The following ERBIN variants were observed in gnomAD, a reference collection of about 807,000 sequenced individuals.
ERBIN encodes the protein erbb2 interacting protein.
In ERBIN, 60 loss-of-function variants were observed where a neutral mutation model predicts 158.4. That is an observed-to-expected ratio of 0.38 (90% CI 0.31 to 0.47). ERBIN has a LOEUF of 0.47. Among genes scored for constraint, ERBIN ranks in the 20% least tolerant of loss-of-function variants. The probability of loss-of-function intolerance (pLI) is 0.99; values close to 1 mark genes in which losing one functional copy is unlikely to be tolerated. For missense variants in ERBIN, 1,610 were observed against 1,648.0 expected, an observed-to-expected ratio of 0.98 and a Z score of 0.40; for synonymous variants, 594 against 557.2, an observed-to-expected ratio of 1.07 and a Z score of -0.93.
At position 65,992,905 on chromosome 5, in the gene ERBIN, A is replaced by G; in HGVS notation, c.187A>G (p.Lys63Glu). 2.5e-6 allele frequency: 4 copies of G among 1,575,152 alleles called. 1 individual carries two copies. The South Asian group carries it at 4.7e-5, about 19-fold the overall frequency. ...TGCTAATCAGATTGAAGAGCTTCCA[A>G]AGGTATGCTAATACTTTCTTTCAAG... Reference protein sequence around the residue: ...LDANQIEELPKQLFNCQSLHK... With the variant: ...LDANQIEELPEQLFNCQSLHK... The change falls in exon 3 of 26, where the codon AAG (lysine) becomes GAG (glutamate). Residue 63 changes from lysine to glutamate, a missense_variant and splice_region_variant. Physicochemically the swap from Lys to Glu is moderately conservative, Grantham distance 56 (BLOSUM62 1). This residue lies in a region of ERBIN where 596 missense variants were observed against 711.9 expected (regional missense o/e 0.84). Transcript: ENST00000284037.
Position 66,068,158 on chromosome 5 carries a change from G to A in ERBIN, c.3634-4011G>A, listed in dbSNP as rs185918702. 2.2e-3 allele frequency among the ~76,000 whole-genome samples: 335 copies of A among 151,482 alleles called. 1 individual carries two copies. The highest frequency in any genetic ancestry group is 7.9e-3 in the African/African-American group (324 of 41,262). ...CCCTGGACAAGTGTAGTGAGACCTCGTCTCTACAAAAATAATAATAATAAT... is the reference window on the plus strand; with the variant it reads ...CCCTGGACAAGTGTAGTGAGACCTCATCTCTACAAAAATAATAATAATAAT... On this transcript the variant is annotated intron_variant, in intron 21 of 25. Transcript: ENST00000284037.
intron 1 of ERBIN, among the ~76,000 whole-genome samples, chr5:65,927,389 A>C (rs1021030799): frequency 1.3e-5 from 2 of 152,100 alleles, no homozygotes; most frequent in Non-Finnish European, 2.9e-5. Flanking sequence ...AGGGTGAGTA[A>C]TATATTTCTT....
chr5:66,031,696 G>T (rs13170623), intron 14 of ERBIN, among the ~76,000 whole-genome samples: 3,129 of 152,220 alleles, frequency 0.021, 36 homozygotes, highest in Non-Finnish European at 0.029. Context: ...GCCAGGTGGG[G>T]TAGCACATGC....
At chr5:66,005,807 G>A (rs985897124) in intron 4 of ERBIN, among the ~76,000 whole-genome samples, 4 of 151,994 alleles carry the variant, frequency 2.6e-5, no homozygotes, top group Admixed American at 6.6e-5. Context: ...TGCTTCAAAG[G>A]GAATAAAATA....
intron 7 of ERBIN, among the ~76,000 whole-genome samples, chr5:66,020,294 G>A (rs1755553709): frequency 1.3e-5 from 2 of 151,984 alleles, no homozygotes; most frequent in Admixed American, 1.3e-4. Context: ...CTGGAGAAAT[G>A]TTGCAACTGA....
chr5:66,024,280 AT>A (rs1561389488), intron 9 of ERBIN, 25 bp from the exon 10 acceptor site: 1 of 1,413,884 alleles, frequency 7.1e-7, no homozygotes, highest in Non-Finnish European at 9.7e-7. Flanking sequence ...TAATAGAGTC[AT>A]TAGATTTTCT....
intron 1 of ERBIN, among the ~76,000 whole-genome samples, chr5:65,987,799 T>C (rs1033851292): frequency 5.3e-5 from 8 of 150,386 alleles, no homozygotes; most frequent in African/African-American, 2.0e-4. Flanking sequence ...GAGCTGAGAT[T>C]GTACCACTGT....
At position 66,023,368 on chromosome 5, in the gene ERBIN, T is replaced by C; in HGVS notation, c.672+4T>C. The C allele has an allele frequency of 6.3e-7, 1 of 1,593,322 alleles. No individual in the cohort carries two copies. The highest frequency in any genetic ancestry group is 8.6e-7 in the Non-Finnish European group (1 of 1,165,686). On this transcript the variant is annotated splice_donor_region_variant and intron_variant, in intron 9 of 25. Transcript: ENST00000284037. Reference sequence around the variant, plus strand: ...TAGACTGACTTTTATTCCAGGGGTATGTATATGAGATTTTAAATGGCATCA... The same window carrying C: ...TAGACTGACTTTTATTCCAGGGGTACGTATATGAGATTTTAAATGGCATCA...
chr5:65,959,907 T>C (rs1473981172), intron 1 of ERBIN, among the ~76,000 whole-genome samples: 2 of 152,230 alleles, frequency 1.3e-5, no homozygotes, highest in Non-Finnish European at 2.9e-5. Flanking sequence ...GTTAAGGCTT[T>C]GCGTTGGAGT....
chr5:65,940,324 T>C (rs1320144356), intron 1 of ERBIN, among the ~76,000 whole-genome samples: 1 of 144,150 alleles, frequency 6.9e-6, no homozygotes, highest in South Asian at 2.2e-4. Flanking sequence ...CCGCCCCATA[T>C]GAGAAGTGAG....
At chr5:66,013,714 G>A in intron 6 of ERBIN, 76 bp downstream of exon 6, 1 of 900,634 alleles carries the variant, frequency 1.1e-6, no homozygotes, top group African/African-American at 1.7e-5. Flanking sequence ...TGCTTTGGTA[G>A]TACTACTCAT....
intron 1 of ERBIN, among the ~76,000 whole-genome samples, chr5:65,979,184 T>A (rs1362024003): frequency 6.6e-6 from 1 of 152,126 alleles, no homozygotes; most frequent in Non-Finnish European, 1.5e-5. Flanking sequence ...CCTAGCACTT[T>A]GAGAGGTGGA....
At chr5:65,988,375 A>T (rs1751492308) in intron 1 of ERBIN, among the ~76,000 whole-genome samples, 1 of 131,620 alleles carries the variant, frequency 7.6e-6, no homozygotes, top group Non-Finnish European at 1.6e-5. Context: ...CCAGTCTCTT[A>T]AAAAAAAAAA....
intron 1 of ERBIN, among the ~76,000 whole-genome samples, chr5:65,980,661 G>A (rs1750553227): frequency 6.6e-6 from 1 of 151,746 alleles, no homozygotes; most frequent in Admixed American, 6.6e-5. Context: ...CTAATCAAGA[G>A]AAAGCTCCTA....
intron 4 of ERBIN, among the ~76,000 whole-genome samples, chr5:66,011,283 A>G (rs572424200): frequency 7.2e-5 from 11 of 152,342 alleles, no homozygotes; most frequent in African/African-American, 1.7e-4. Context: ...GCCTTCAGGC[A>G]TATCCACTGG....
rs143213383 is a variant in ERBIN at position 65,991,066 on chromosome 5, A to G, written c.-9-1644A>G. ...CTACTGCGCCCAGCCTAGAATAATC[A>G]CTTTTTTAAAAAGATTGCAAGGGAA... On this transcript the variant is annotated intron_variant, in intron 2 of 25. Transcript: ENST00000284037. Among the ~76,000 whole-genome samples the G allele has an allele frequency of 3.2e-4, 48 of 152,264 alleles. 1 individual carries two copies. In the East Asian group the frequency reaches 9.1e-3, roughly 29 times the overall value.
At chr5:65,988,074 T>C (rs1326834152) in intron 1 of ERBIN, among the ~76,000 whole-genome samples, 1 of 152,156 alleles carries the variant, frequency 6.6e-6, no homozygotes, top group Admixed American at 6.5e-5. Context: ...CTATCCACTA[T>C]AAAGATAGCC....
intron 4 of ERBIN, among the ~76,000 whole-genome samples, chr5:66,001,898 C>T (rs1409341930): frequency 1.3e-5 from 2 of 152,062 alleles, no homozygotes; most frequent in Admixed American, 1.3e-4. Flanking sequence ...CTGCACCTAT[C>T]AACCCGTCAT....
chr5:66,070,605 CATAGTT>C (rs1342199405), intron 21 of ERBIN, among the ~76,000 whole-genome samples: 2 of 152,120 alleles, frequency 1.3e-5, no homozygotes, highest in South Asian at 2.1e-4. Context: ...AGTAGATAAA[CATAGTT>C]ATACATTCAC....
Sources: gnomAD v4.1 joint callset for allele counts (sites outside exome capture counted in the v4.1 genomes callset) on GRCh38, gnomAD v4.1.1 for gene constraint, gnomAD v4.1.1 regional missense constraint, MANE v1.5 for transcripts, NCBI Gene and HGNC (gene_info 2026-07-23, HGNC 2026-07-21) for gene names.